Variants in RSPO4 observed in about 807,000 individuals in gnomAD.
The protein encoded by RSPO4 is R-spondin 4, also known as R-spondin-4.
A neutral mutation model predicts 24.8 loss-of-function variants in RSPO4; 23 were observed. The ratio of observed to expected loss-of-function variants is 0.93; its 90% CI spans 0.67 to 1.31. RSPO4 has a LOEUF of 1.31. Ranked by LOEUF, RSPO4 falls within the 40% of genes most tolerant of loss-of-function variation. RSPO4 has a pLI of 0.00. For synonymous variants in RSPO4, 141 were observed against 127.4 expected (o/e 1.11, Z -0.72); for missense variants, 333 against 316.5 (o/e 1.05, Z -0.39).
chr20:967,800 A>G (rs1021354757), intron 2 of RSPO4, 150 bp downstream of exon 2: 8 of 832,094 alleles, frequency 9.6e-6, no homozygotes, highest in African/African-American at 3.3e-5. Context: ...CGGGCTGCGG[A>G]GTCAGCCTGG....
intron 1 of RSPO4, among the ~76,000 whole-genome samples, chr20:988,927 C>T (rs1362233455): frequency 1.3e-5 from 2 of 152,196 alleles, no homozygotes; most frequent in African/African-American, 4.8e-5. Flanking sequence ...ATAAATGCCC[C>T]AAATCGCTTC....
intron 1 of RSPO4, among the ~76,000 whole-genome samples, chr20:1,000,656 C>T (rs192427444): frequency 2.3e-4 from 35 of 152,304 alleles, no homozygotes; most frequent in African/African-American, 7.2e-4. Context: ...TATCCAAAGT[C>T]ACTCAGTTGG....
At chr20:980,636 A>G (rs1984706892) in intron 1 of RSPO4, among the ~76,000 whole-genome samples, 1 of 152,222 alleles carries the variant, frequency 6.6e-6, no homozygotes, top group African/African-American at 2.4e-5. Context: ...CATTCTGGCC[A>G]GAATCCTTTT....
At chr20:985,245 T>C (rs1287388115) in intron 1 of RSPO4, among the ~76,000 whole-genome samples, 19 of 88,472 alleles carry the variant, frequency 2.1e-4, no homozygotes, top group South Asian at 9.0e-4. Flanking sequence ...ATCCATCCAC[T>C]CACCCACCCA....
At chr20:975,234 G>A (rs1568916494) in intron 1 of RSPO4, among the ~76,000 whole-genome samples, 1 of 152,184 alleles carries the variant, frequency 6.6e-6, no homozygotes, top group Non-Finnish European at 1.5e-5. Context: ...GGGACACTGA[G>A]GTTCCAGGGA....
At chr20:995,439 G>A (rs914351555) in intron 1 of RSPO4, among the ~76,000 whole-genome samples, 1 of 152,180 alleles carries the variant, frequency 6.6e-6, no homozygotes. Context: ...CAGGACTGGG[G>A]TGAGGACCAA....
At chr20:977,417 C>A (rs1186398690) in intron 1 of RSPO4, among the ~76,000 whole-genome samples, 1 of 152,168 alleles carries the variant, frequency 6.6e-6, no homozygotes, top group Non-Finnish European at 1.5e-5. Flanking sequence ...CTTCAGTTTT[C>A]TCATCTGTAA....
Position 964,014 on chromosome 20 carries a change from C to T in RSPO4, c.516G>A (p.Arg172=), listed in dbSNP as rs768835667. The change falls in exon 4 of 5, where the codon CGG becomes CGA. Residue 172 remains arginine (R), a synonymous_variant. Transcript: ENST00000217260. ...AGGTGGCTGCCTCCTCATGCCCAGC[C>T]CGGCCAGCCTCTCGTACCCGGCTCT... ...GLESRVREAG[R]AGHEEAATCQ... The T allele has an allele frequency of 1.2e-6, 2 of 1,613,876 alleles. No homozygotes were observed. The highest frequency in any genetic ancestry group is 2.2e-5 in the East Asian group (1 of 44,874).
intron 1 of RSPO4, among the ~76,000 whole-genome samples, chr20:974,903 C>T (rs1324322246): frequency 2.0e-5 from 3 of 152,070 alleles, no homozygotes; most frequent in Admixed American, 6.6e-5. Context: ...TCACTTGCAA[C>T]CAGATGATTC....
intron 1 of RSPO4, among the ~76,000 whole-genome samples, chr20:998,165 C>T (rs112755786): frequency 3.9e-5 from 6 of 152,276 alleles, no homozygotes; most frequent in Middle Eastern, 3.4e-3. Context: ...CTTCACTTTG[C>T]CCCTTGCTTG....
At chr20:991,401 G>C (rs1027919026) in intron 1 of RSPO4, among the ~76,000 whole-genome samples, 6 of 152,022 alleles carry the variant, frequency 3.9e-5, no homozygotes, top group Admixed American at 3.3e-4. Context: ...CCAAAGGTGA[G>C]GACTCTACAA....
chr20:969,145 G>C (rs1984329262), intron 1 of RSPO4, among the ~76,000 whole-genome samples: 1 of 152,184 alleles, frequency 6.6e-6, no homozygotes, highest in Non-Finnish European at 1.5e-5. Context: ...GCGAGGCCCT[G>C]TCTCTACAAA....
intron 1 of RSPO4, among the ~76,000 whole-genome samples, chr20:992,228 C>T (rs963284767): frequency 3.3e-5 from 5 of 151,038 alleles, no homozygotes; most frequent in Non-Finnish European, 5.9e-5. Context: ...ATCCTCACTG[C>T]CCCATCCTCA....
intron 3 of RSPO4, among the ~76,000 whole-genome samples, chr20:964,704 A>G (rs1177688583): frequency 6.6e-6 from 1 of 151,484 alleles, no homozygotes; most frequent in Non-Finnish European, 1.5e-5. Flanking sequence ...ATACACACAC[A>G]CACACATATA....
At chr20:994,658 G>A (rs1293765305) in intron 1 of RSPO4, among the ~76,000 whole-genome samples, 1 of 151,668 alleles carries the variant, frequency 6.6e-6, no homozygotes, top group Non-Finnish European at 1.5e-5. Flanking sequence ...CCAGGTTCAA[G>A]TGATTCTCAT....
Position 967,996 on chromosome 20 carries a change from G to A in RSPO4, c.222C>T (p.Pro74=), listed in dbSNP as rs749789537. ...GGCCGCGGATGCCGAAGTACCCAGGGGGACAGTCGTGCAGGCACTTGCCGT... is the reference window on the plus strand; with the variant it reads ...GGCCGCGGATGCCGAAGTACCCAGGAGGACAGTCGTGCAGGCACTTGCCGT... ...RQYGKCLHDC[P]PGYFGIRGQE... is the part of the protein sequence containing the mutation. Residue 74 remains proline, a synonymous_variant, in exon 2 of 5, where the codon CCC becomes CCT. Transcript: ENST00000217260. The A allele has an allele frequency of 2.5e-6, 4 of 1,614,230 alleles. No individual in the cohort carries two copies. The highest frequency in any genetic ancestry group is 1.1e-5 in the South Asian group (1 of 91,086).
In RSPO4 at chr20:999,802, T is replaced by G. The variant is rs1047651058; in HGVS notation, c.79+2284A>C. ...GGGGCAGGATAGGAATTTTTCATTT[T>G]TCTTTAATTTTTTTGTCTTTTTTGA... is the stretch of plus-strand genomic sequence containing the variant. On this transcript the variant is annotated intron_variant, in intron 1 of 4. Transcript: ENST00000217260. 3.3e-5 allele frequency among the ~76,000 whole-genome samples: 5 copies of G among 152,146 alleles called. No individual in the cohort carries two copies. In the South Asian group the frequency reaches 1.0e-3, roughly 32 times the overall value.
chr20:998,743 G>A (rs751960093), intron 1 of RSPO4, among the ~76,000 whole-genome samples: 10 of 152,174 alleles, frequency 6.6e-5, no homozygotes, highest in Non-Finnish European at 1.3e-4. Flanking sequence ...GCTCACCTGG[G>A]TATCTCCAAG....
At chr20:983,716 T>C (rs548083568) in intron 1 of RSPO4, among the ~76,000 whole-genome samples, 3 of 152,326 alleles carry the variant, frequency 2.0e-5, no homozygotes, top group Admixed American at 1.3e-4. Flanking sequence ...TGGTTTTGTG[T>C]GTGGCATGCC....
Sources: gnomAD v4.1 joint callset for allele counts (sites outside exome capture counted in the v4.1 genomes callset) on GRCh38, gnomAD v4.1.1 for gene constraint, MANE v1.5 for transcripts, NCBI Gene and HGNC (gene_info 2026-07-23, HGNC 2026-07-21) for gene names.